The following ADCY1 variants were observed in gnomAD, a reference collection of about 807,000 sequenced individuals.
The protein encoded by ADCY1 is adenylate cyclase type 1.
A neutral mutation model predicts 105.4 loss-of-function variants in ADCY1; 28 were observed. That is an observed-to-expected ratio of 0.27 (90% CI 0.20 to 0.36). The LOEUF (loss-of-function observed/expected upper bound fraction) is 0.36. Ranked by LOEUF, ADCY1 falls within the 10% of genes least tolerant of loss-of-function variation. The pLI is 1.00. For synonymous variants in ADCY1, 655 were observed against 623.8 expected (o/e 1.05, Z -0.75); for missense variants, 977 against 1,434.2 (o/e 0.68, Z 5.15).
chr7:45,699,767 C>T (rs1011939956), intron 14 of ADCY1, among the ~76,000 whole-genome samples: 3 of 152,156 alleles, frequency 2.0e-5, no homozygotes. Flanking sequence ...GCGCAGCAGT[C>T]GCAGGCCTTC....
intron 4 of ADCY1, among the ~76,000 whole-genome samples, chr7:45,625,614 T>C (rs755706502): frequency 6.6e-6 from 1 of 151,850 alleles, no homozygotes; most frequent in African/African-American, 2.4e-5. Context: ...AGTGCTTACA[T>C]GAACACACGT....
intron 1 of ADCY1, among the ~76,000 whole-genome samples, chr7:45,589,141 G>C (rs974469287): frequency 6.6e-6 from 1 of 152,172 alleles, no homozygotes; most frequent in Non-Finnish European, 1.5e-5. Flanking sequence ...TGACCCTGGT[G>C]AGGACACCTG....
Position 45,703,822 on chromosome 7 carries a change from A to G in ADCY1, c.2718+76A>G. 1.3e-6 allele frequency: 2 copies of G among 1,486,462 alleles called. No individual in the cohort carries two copies. The highest frequency in any genetic ancestry group is 2.7e-5 in the South Asian group (2 of 72,790). 92.1% of individuals were successfully genotyped at this position (1,486,462 alleles called of 1,614,324 possible). ...CTGTTGCGTGGGCAGAGCGTGTCTC[A>G]CAATATGTCACATTCTTCGTAGCTG... On this transcript the variant is annotated intron_variant, in intron 16 of 19. Coordinates refer to ENST00000297323, the MANE Select transcript of ADCY1 (RefSeq NM_021116.4). The surrounding 1 kb of genome is among the most constrained non-coding windows in gnomAD (Gnocchi z 5.9).
chr7:45,657,692 G>A (rs1794979334), intron 5 of ADCY1, 35 bp from the exon 6 acceptor site: 3 of 1,595,140 alleles, frequency 1.9e-6, no homozygotes, highest in South Asian at 2.3e-5. Context: ...GATACAAGGT[G>A]GGCCCTAGCC....
At chr7:45,700,609 G>A (rs571822657) in intron 14 of ADCY1, among the ~76,000 whole-genome samples, 6 of 152,336 alleles carry the variant, frequency 3.9e-5, no homozygotes, top group Admixed American at 2.6e-4. Flanking sequence ...TCTATTTATA[G>A]TGATTGTATC....
At chr7:45,680,943 A>G (rs991202683) in intron 11 of ADCY1, among the ~76,000 whole-genome samples, 39 of 152,338 alleles carry the variant, frequency 2.6e-4, no homozygotes, top group African/African-American at 8.9e-4. Context: ...GCTCTGCCCA[A>G]AGGTCCTGGC....
intron 8 of ADCY1, among the ~76,000 whole-genome samples, chr7:45,675,804 GT>G (rs1784446504): frequency 6.6e-6 from 1 of 151,926 alleles, no homozygotes; most frequent in Admixed American, 6.5e-5. Flanking sequence ...TTTGTCTTTT[GT>G]TCTTGGAAGT....
At chr7:45,617,264 G>A (rs112328496) in intron 3 of ADCY1, among the ~76,000 whole-genome samples, 1,811 of 152,332 alleles carry the variant, frequency 0.012, 30 homozygotes, top group African/African-American at 0.033. Context: ...GGTGTGGTCT[G>A]TAGCCACTGG....
At chr7:45,709,584 C>T (rs111444604) in intron 18 of ADCY1, among the ~76,000 whole-genome samples, 2 of 152,338 alleles carry the variant, frequency 1.3e-5, no homozygotes, top group African/African-American at 4.8e-5. Context: ...ACCACTGTGC[C>T]GCCTGCTCTC....
At chr7:45,696,326 C>T (rs1784880219) in intron 14 of ADCY1, among the ~76,000 whole-genome samples, 1 of 151,294 alleles carries the variant, frequency 6.6e-6, no homozygotes, top group South Asian at 2.1e-4. Context: ...GTGGTCCCAG[C>T]TCCTCGGGAA....
intron 6 of ADCY1, among the ~76,000 whole-genome samples, chr7:45,658,194 T>C (rs1794991144): frequency 6.6e-6 from 1 of 152,262 alleles, no homozygotes; most frequent in African/African-American, 2.4e-5. Context: ...GCTGTCCTCA[T>C]GGCTTGTTGT....
chr7:45,691,054 G>A (rs1244026938), intron 14 of ADCY1, among the ~76,000 whole-genome samples: 1 of 152,168 alleles, frequency 6.6e-6, no homozygotes, highest in African/African-American at 2.4e-5. Context: ...TCCAGTTGAG[G>A]GACACTTCTG....
At chr7:45,675,131 T>C (rs910121007) in intron 8 of ADCY1, among the ~76,000 whole-genome samples, 1 of 152,174 alleles carries the variant, frequency 6.6e-6, no homozygotes, top group Admixed American at 6.5e-5. Context: ...TTTTTTCCTA[T>C]GTTGCTGTGG....
At chr7:45,698,214 G>A (rs1389690704) in intron 14 of ADCY1, among the ~76,000 whole-genome samples, 2 of 151,816 alleles carry the variant, frequency 1.3e-5, no homozygotes, top group African/African-American at 2.4e-5. Context: ...ACTTCCTAGG[G>A]CAGTGTGGAA....
intron 8 of ADCY1, among the ~76,000 whole-genome samples, chr7:45,667,231 AG>A (rs1166519029): frequency 6.6e-6 from 1 of 152,194 alleles, no homozygotes; most frequent in Non-Finnish European, 1.5e-5. Flanking sequence ...GGTATTGCCT[AG>A]GTTTTCTTCT....
chr7:45,639,617 C>T (rs1030365959), intron 4 of ADCY1, among the ~76,000 whole-genome samples: 2 of 152,240 alleles, frequency 1.3e-5, no homozygotes, highest in Non-Finnish European at 2.9e-5. Flanking sequence ...TAGTTCTGGT[C>T]ATAACTCCAA....
intron 8 of ADCY1, 22 bp from the exon 9 acceptor site, chr7:45,677,846 CT>C: frequency 6.2e-7 from 1 of 1,607,620 alleles, no homozygotes; most frequent in Non-Finnish European, 8.5e-7. Flanking sequence ...GATGATACTC[CT>C]TTATTTCCAT....
At chr7:45,577,248 G>T (rs1792375601) in intron 1 of ADCY1, among the ~76,000 whole-genome samples, 1 of 152,218 alleles carries the variant, frequency 6.6e-6, no homozygotes, top group Non-Finnish European at 1.5e-5. Flanking sequence ...TTGTAGTGAA[G>T]GTAAACACTT....
chr7:45,621,356 A>G (rs1025747972), intron 3 of ADCY1, among the ~76,000 whole-genome samples: 3 of 152,336 alleles, frequency 2.0e-5, no homozygotes, highest in Non-Finnish European at 4.4e-5. Context: ...ATGAGCCACC[A>G]TGCCCTGCCA....
Sources: gnomAD v4.1 joint callset for allele counts (sites outside exome capture counted in the v4.1 genomes callset) on GRCh38, gnomAD v4.1.1 for gene constraint, Gnocchi (gnomAD v3.1) non-coding constraint, MANE v1.5 for transcripts, NCBI Gene and HGNC (gene_info 2026-07-23, HGNC 2026-07-21) for gene names.